The following PA2G4 variants were observed in gnomAD, a reference collection of about 807,000 sequenced individuals.
PA2G4 encodes proliferation-associated protein 2G4.
In PA2G4, 8 loss-of-function variants were observed where a neutral mutation model predicts 53.3. That is an observed-to-expected ratio of 0.15 (90% CI 0.09 to 0.27). PA2G4 has a LOEUF of 0.27. Among genes scored for constraint, PA2G4 ranks in the 10% least tolerant of loss-of-function variants. PA2G4 has a pLI of 1.00. For synonymous variants in PA2G4, 143 were observed against 169.8 expected, an observed-to-expected ratio of 0.84 and a Z score of 1.23; for missense variants, 208 against 486.8, an observed-to-expected ratio of 0.43 and a Z score of 5.39.
In PA2G4 at chr12:56,104,635, C is replaced by G. The variant is rs1279456559; in HGVS notation, c.-103C>G. ...TTGCTCGCGCTTTCGCTCGCCCTCT[C>G]CTCGAGGATCGAGGGGACTCTGACC... is the stretch of plus-strand genomic sequence containing the variant. On this transcript the variant is annotated 5_prime_UTR_variant, in exon 1 of 13. Coordinates refer to ENST00000303305, the MANE Select transcript of PA2G4 (RefSeq NM_006191.3). 9.0e-7 allele frequency: 1 copy of G among 1,112,894 alleles called. No individual in the cohort carries two copies. The highest frequency in any genetic ancestry group is 1.4e-6 in the Non-Finnish European group (1 of 722,366). 68.9% of individuals were successfully genotyped at this position (1,112,894 alleles called of 1,614,324 possible).
Position 56,107,202 on chromosome 12 carries a change from T to C in PA2G4, c.339T>C (p.His113=), listed in dbSNP as rs1223686398. 3.1e-6 allele frequency: 5 copies of C among 1,613,846 alleles called. No homozygotes were observed. Among genetic ancestry groups the C allele is most frequent in the African/African-American group, 2.7e-5 (2 of 74,936 alleles). Residue 113 remains histidine, a synonymous_variant, in exon 4 of 13, where the codon CAT becomes CAC. Transcript: ENST00000303305. ...GDLVKIDLGV[H]VDGFIANVAH... is the part of the protein sequence containing the mutation. Reference sequence around the variant, plus strand: ...TGCCTTTCAGTGACCTTGGGGTCCATGTGGATGGCTTCATCGCTAATGTAG... The same window carrying C: ...TGCCTTTCAGTGACCTTGGGGTCCACGTGGATGGCTTCATCGCTAATGTAG...
chr12:56,110,835 A>G, intron 9 of PA2G4, 129 bp from the exon 10 acceptor site: 2 of 1,307,552 alleles, frequency 1.5e-6, no homozygotes, highest in Non-Finnish European at 1.1e-6. Context: ...CTTCTCATTG[A>G]AGGTAATGTA....
chr12:56,109,355 C>T (rs942116658), intron 6 of PA2G4, 62 bp downstream of exon 6: 21 of 1,263,546 alleles, frequency 1.7e-5, no homozygotes, highest in Non-Finnish European at 2.4e-5. Context: ...TGCGGTGGCT[C>T]ACGCCTGTAA....
Position 56,106,655 on chromosome 12 carries a change from T to C in PA2G4, c.156T>C (p.Gly52=). Residue 52 remains glycine (G), a synonymous_variant, in exon 2 of 13, where the codon GGT becomes GGC. Coordinates refer to ENST00000303305, the MANE Select transcript of PA2G4 (RefSeq NM_006191.3). The part of the protein sequence containing the change: ...GVSVLSLCEK[G]DAMIMEETGK... ...CGGTACTGAGCCTGTGTGAGAAAGG[T>C]GATGCCATGATTATGGAAGAAACAG... 6.2e-7 allele frequency: 1 copy of C among 1,606,056 alleles called. No individual in the cohort carries two copies. Among genetic ancestry groups the C allele is most frequent in the Non-Finnish European group, 8.5e-7 (1 of 1,178,076 alleles).
At chr12:56,112,756 T>C in intron 12 of PA2G4, 67 bp from the exon 13 acceptor site, 6 of 1,086,804 alleles carry the variant, frequency 5.5e-6, no homozygotes, top group Non-Finnish European at 8.2e-6. Flanking sequence ...CTTTTATCTC[T>C]GGTCCCAGAC....
rs114006569 is a variant in PA2G4, at chr12:56,111,528, A to G, written c.1118A>G (p.Lys373Arg). Residue 373 changes from lysine (K) to arginine (R), a missense_variant and splice_region_variant, in exon 12 of 13, where the codon AAG becomes AGG. This residue lies in a region of PA2G4 where 50 missense variants were observed against 82.3 expected (regional missense o/e 0.61). Transcript: ENST00000303305. ...AAAACCCAGAAAAAGAAAAAAAAGA[A>G]GGTGTGTTATTAACGATCATTCCTC... is the stretch of plus-strand genomic sequence containing the variant. ...SRKTQKKKKK[K>R]ASKTAENATS... The G allele has an allele frequency of 2.6e-5, 42 of 1,613,434 alleles. No homozygotes were observed. The African/African-American group carries it at 5.3e-4, about 20-fold the overall frequency.
intron 10 of PA2G4, 55 bp from the exon 11 acceptor site, chr12:56,111,127 A>C: frequency 6.2e-7 from 1 of 1,613,532 alleles, no homozygotes; most frequent in Non-Finnish European, 8.5e-7. Flanking sequence ...AGTTCAGAAG[A>C]GCTAAGTATG....
chr12:56,113,060 A>G lies in PA2G4; in HGVS notation c.*172A>G, dbSNP rs751983936. 17 of 479,058 alleles carry G rather than the reference A, an allele frequency of 3.5e-5. No individual in the cohort carries two copies. The highest frequency in any genetic ancestry group is 5.5e-5 in the Non-Finnish European group (15 of 274,868). The allele number at this position is 479,058 out of a possible 1,614,324, so 29.7% of individuals were successfully genotyped here. ...TCCCTTCCAACAACAACCAGCTCCAACTGACTCTGGTCTTGGGAGGTGAGG... is the reference window on the plus strand; with the variant it reads ...TCCCTTCCAACAACAACCAGCTCCAGCTGACTCTGGTCTTGGGAGGTGAGG... On this transcript the variant is annotated 3_prime_UTR_variant, in exon 13 of 13. Coordinates refer to ENST00000303305, the MANE Select transcript of PA2G4 (RefSeq NM_006191.3).
rs536406057 is a variant in PA2G4 at position 56,105,214 on chromosome 12, C to G, written c.88+389C>G. On this transcript the variant is annotated intron_variant, in intron 1 of 12. Transcript: ENST00000303305. ...CGCCCAGCTATTGGCGACAGAAGTG[C>G]CCCTCTGTTTTTGTAGCGTCTCCGG... 28 of 454,496 alleles carry G rather than the reference C, an allele frequency of 6.2e-5. No homozygotes were observed. In the East Asian group the frequency reaches 1.7e-3, roughly 28 times the overall value. 28.2% of individuals were successfully genotyped at this position (454,496 alleles called of 1,614,324 possible). A position where few individuals can be genotyped will look rare whatever the true frequency, so the allele number is the denominator to read the frequency against.
chr12:56,109,739 G>C, intron 6 of PA2G4, 118 bp from the exon 7 acceptor site: 1 of 713,868 alleles, frequency 1.4e-6, no homozygotes, highest in Non-Finnish European at 2.6e-6. Context: ...AGAGCCCTGT[G>C]TTTCCATAAC....
At position 56,107,078 on chromosome 12, in the gene PA2G4, A is replaced by G; in HGVS notation, c.306A>G (p.Glu102=). The change falls in exon 3 of 13, where the codon GAA becomes GAG. Residue 102 remains glutamate (E), a synonymous_variant. Transcript: ENST00000303305. ...GCGACCAGGATTATATTCTCAAGGA[A>G]GGTGACTTGGTAAAAATGTAAGGTT... is the stretch of plus-strand genomic sequence containing the variant. ...LKSDQDYILK[E]GDLVKIDLGV... 1 of 1,613,314 alleles carries G rather than the reference A, an allele frequency of 6.2e-7. No homozygotes were observed. Among genetic ancestry groups the G allele is most frequent in the Non-Finnish European group, 8.5e-7 (1 of 1,179,194 alleles).
At chr12:56,105,008 G>C (rs931296167) in intron 1 of PA2G4, 183 bp downstream of exon 1, 2 of 717,040 alleles carry the variant, frequency 2.8e-6, no homozygotes, top group African/African-American at 3.5e-5. Context: ...GGCAGGCCCA[G>C]GCTGAAGTCT....
At position 56,111,274 on chromosome 12, in the gene PA2G4, A is replaced by G; in HGVS notation, c.1030A>G (p.Lys344Glu). 1 of 1,614,122 alleles carries G rather than the reference A, an allele frequency of 6.2e-7. No homozygotes were observed. Among genetic ancestry groups the G allele is most frequent in the Non-Finnish European group, 8.5e-7 (1 of 1,179,986 alleles). Residue 344 changes from lysine (K) to glutamate (E), a missense_variant, in exon 11 of 13, where the codon AAG becomes GAG. Physicochemically the swap from Lys to Glu is moderately conservative, Grantham distance 56. This residue lies in a region of PA2G4 where 50 missense variants were observed against 82.3 expected (regional missense o/e 0.61). Transcript: ENST00000303305. ...TGGTCCCTTCGAGCCTGACCTCTAC[A>G]AGTCTGAGATGGAGGTCCAGGATGC... is the stretch of plus-strand genomic sequence containing the variant. ...TSGPFEPDLY[K>E]SEMEVQDAEL...
intron 4 of PA2G4, 96 bp from the exon 5 acceptor site, chr12:56,107,425 C>A: frequency 9.8e-7 from 1 of 1,024,928 alleles, no homozygotes; most frequent in Non-Finnish European, 1.5e-6. Flanking sequence ...TGTTCATTGG[C>A]TGGTCTTCGC....
At chr12:56,107,654 A>AG (rs1443589119) in intron 5 of PA2G4, 41 bp downstream of exon 5, 2 of 1,349,238 alleles carry the variant, frequency 1.5e-6, no homozygotes, top group Non-Finnish European at 2.1e-6. Flanking sequence ...TTTGAACCAA[A>AG]GATGCATTAG....
chr12:56,110,367 A>G (rs1869394700), intron 7 of PA2G4, 32 bp from the exon 8 acceptor site: 1 of 1,436,902 alleles, frequency 7.0e-7, no homozygotes. Flanking sequence ...GTCAAAAAAA[A>G]AAAAAAATTC....
Position 56,107,544 on chromosome 12 carries a change from A to G in PA2G4, c.417A>G (p.Lys139=). The G allele has an allele frequency of 1.2e-6, 2 of 1,613,622 alleles. No homozygotes were observed. Among genetic ancestry groups the G allele is most frequent in the Admixed American group, 3.3e-5 (2 of 60,024 alleles). ...VAQGTQVTGR[K]ADVIKAAHLC... is the part of the protein sequence containing the mutation. ...AGGGGACCCAAGTAACAGGGAGGAA[A>G]GCAGATGTTATTAAGGCAGCTCACC... The change falls in exon 5 of 13, where the codon AAA becomes AAG. Residue 139 remains lysine (K), a synonymous_variant. Transcript: ENST00000303305.
chr12:56,108,812 G>A (rs551220847), intron 5 of PA2G4, among the ~76,000 whole-genome samples: 62 of 152,270 alleles, frequency 4.1e-4, no homozygotes, highest in African/African-American at 1.5e-3. Context: ...GACAATCATT[G>A]GGGCTTGATG....
chr12:56,111,584 C>T (rs956006244), intron 12 of PA2G4, 55 bp downstream of exon 12: 24 of 1,468,446 alleles, frequency 1.6e-5, no homozygotes, highest in Non-Finnish European at 2.3e-5. Context: ...CCCTCTTTCT[C>T]CCACTGTGTT....
Sources: allele counts gnomAD v4.1 joint callset (sites outside exome capture counted in the v4.1 genomes callset), GRCh38; gene constraint gnomAD v4.1.1; regional missense constraint gnomAD v4.1.1; transcripts MANE v1.5; gene names NCBI Gene and HGNC (gene_info 2026-07-23, HGNC 2026-07-21).